The following SPATS2 variants were observed in gnomAD, a reference collection of about 807,000 sequenced individuals.
SPATS2 encodes the protein spermatogenesis-associated serine-rich protein 2.
Under a neutral mutation model 63.7 loss-of-function variants are expected in SPATS2, and 38 were observed. That is an observed-to-expected ratio of 0.60 (90% CI 0.46 to 0.78). SPATS2 has a LOEUF of 0.78. Ranked by LOEUF, SPATS2 falls within the 30% of genes least tolerant of loss-of-function variation. The pLI is 0.00. For missense variants in SPATS2, 588 were observed against 666.2 expected (o/e 0.88, Z 1.29); for synonymous variants, 207 against 232.9 (o/e 0.89, Z 1.01).
chr12:49,423,012 T>A (rs1945009685), intron 2 of SPATS2, among the ~76,000 whole-genome samples: 2 of 152,130 alleles, frequency 1.3e-5, no homozygotes, highest in Non-Finnish European at 2.9e-5. Context: ...TATTTTCTAC[T>A]CCAATAAGTA....
At chr12:49,399,961 G>A (rs867024699) in intron 2 of SPATS2, among the ~76,000 whole-genome samples, 3 of 152,140 alleles carry the variant, frequency 2.0e-5, no homozygotes, top group African/African-American at 4.8e-5. Context: ...GCGTGAACCC[G>A]GGAGGCGGAG....
chr12:49,502,237 T>C (rs1315269786), intron 9 of SPATS2, among the ~76,000 whole-genome samples: 2 of 152,146 alleles, frequency 1.3e-5, no homozygotes, highest in East Asian at 1.9e-4. Context: ...ATATAAGAGA[T>C]AGAGGAGAGT....
At chr12:49,475,958 G>C (rs1477168190) in intron 3 of SPATS2, among the ~76,000 whole-genome samples, 2 of 152,116 alleles carry the variant, frequency 1.3e-5, no homozygotes, top group African/African-American at 4.8e-5. Flanking sequence ...GTGCTGGGAA[G>C]GGAAGGGCTG....
At chr12:49,411,902 A>T (rs1944803725) in intron 2 of SPATS2, among the ~76,000 whole-genome samples, 1 of 152,172 alleles carries the variant, frequency 6.6e-6, no homozygotes, top group South Asian at 2.1e-4. Context: ...GGGCTTAACC[A>T]TGTTTATAAT....
At chr12:49,416,318 G>A (rs919656470) in intron 2 of SPATS2, among the ~76,000 whole-genome samples, 3 of 151,992 alleles carry the variant, frequency 2.0e-5, no homozygotes, top group Non-Finnish European at 4.4e-5. Flanking sequence ...ATCTCAGAGG[G>A]ATCCTCATTC....
chr12:49,434,001 A>G (rs1017410063), intron 2 of SPATS2, among the ~76,000 whole-genome samples: 1 of 152,206 alleles, frequency 6.6e-6, no homozygotes, highest in African/African-American at 2.4e-5. Flanking sequence ...GCATGTAGAT[A>G]TCCAGTTTTC....
rs57936702 is a variant in SPATS2, at chr12:49,516,138, C to CA, written c.898+1554dup. ...CTGGCAACAGAGCAAGACTCCATCT[C>CA]AAAAAAAAAAAAAAAAAAAAAAAAA... is the stretch of plus-strand genomic sequence containing the variant. On this transcript the variant is annotated intron_variant, in intron 10 of 13. Coordinates refer to ENST00000552918, the MANE Select transcript of SPATS2 (RefSeq NM_023071.4). Among the ~76,000 whole-genome samples, 13 of 3,486 alleles carry CA rather than the reference C, an allele frequency of 3.7e-3. 1 individual carries two copies. Among genetic ancestry groups the CA allele is most frequent in the Admixed American group, 7.2e-3 (1 of 138 alleles). 2.3% of individuals were successfully genotyped at this position (3,486 alleles called of 152,430 possible). A position where few individuals can be genotyped will look rare whatever the true frequency, so the allele number is the denominator to read the frequency against.
chr12:49,497,140 G>A, intron 8 of SPATS2, 131 bp downstream of exon 8: 1 of 881,070 alleles, frequency 1.1e-6, no homozygotes, highest in Non-Finnish European at 1.7e-6. Context: ...TTTCCAGACA[G>A]TGACTGACTA....
intron 8 of SPATS2, among the ~76,000 whole-genome samples, chr12:49,499,525 T>A (rs1295880339): frequency 6.6e-6 from 1 of 151,928 alleles, no homozygotes; most frequent in Non-Finnish European, 1.5e-5. Context: ...ACTCATGCAC[T>A]GGTCCACACT....
intron 8 of SPATS2, among the ~76,000 whole-genome samples, chr12:49,497,928 GA>G (rs1209715312): frequency 1.3e-5 from 2 of 151,660 alleles, no homozygotes; most frequent in Non-Finnish European, 2.9e-5. Flanking sequence ...TCCTATATCT[GA>G]GTTTCATACA....
chr12:49,384,124 T>C (rs958183843), intron 2 of SPATS2, among the ~76,000 whole-genome samples: 7 of 152,174 alleles, frequency 4.6e-5, no homozygotes, highest in Non-Finnish European at 1.0e-4. Flanking sequence ...CTCCAGTTTT[T>C]CCACTAATGT....
Position 49,417,658 on chromosome 12 carries a change from G to T in SPATS2, c.-243-43112G>T, listed in dbSNP as rs187255248. 6.6e-5 allele frequency among the ~76,000 whole-genome samples: 10 copies of T among 152,076 alleles called. No individual in the cohort carries two copies. The East Asian group carries it at 1.7e-3, about 26-fold the overall frequency. On this transcript the variant is annotated intron_variant, in intron 2 of 13. Coordinates refer to ENST00000552918, the MANE Select transcript of SPATS2 (RefSeq NM_023071.4). ...GTTTTGCTGTTTCTTTATCTTTCTGGGTTTGTACATCTTGAGAGATTCAAC... is the reference window on the plus strand; with the variant it reads ...GTTTTGCTGTTTCTTTATCTTTCTGTGTTTGTACATCTTGAGAGATTCAAC...
intron 3 of SPATS2, chr12:49,462,713 G>A (rs546524355): frequency 1.6e-5 from 8 of 509,612 alleles, no homozygotes; most frequent in Admixed American, 3.6e-5. Context: ...GGTGGGGTGC[G>A]GGTAGATAAT....
chr12:49,392,671 C>A (rs937253202), intron 2 of SPATS2, among the ~76,000 whole-genome samples: 12 of 151,968 alleles, frequency 7.9e-5, no homozygotes, highest in Non-Finnish European at 1.8e-4. Flanking sequence ...CGAGATCTCA[C>A]CACTGCACTC....
chr12:49,398,291 A>C (rs1335276744), intron 2 of SPATS2, among the ~76,000 whole-genome samples: 1 of 152,096 alleles, frequency 6.6e-6, no homozygotes, highest in Non-Finnish European at 1.5e-5. Context: ...TTGAACTTGA[A>C]CTTTATATAA....
intron 3 of SPATS2, among the ~76,000 whole-genome samples, chr12:49,481,288 A>G (rs1946200684): frequency 6.6e-6 from 1 of 151,940 alleles, no homozygotes; most frequent in African/African-American, 2.4e-5. Context: ...TGAACCCGGG[A>G]AGCGGAGGTT....
intron 2 of SPATS2, among the ~76,000 whole-genome samples, chr12:49,435,256 T>C (rs1945254646): frequency 6.6e-6 from 1 of 151,922 alleles, no homozygotes; most frequent in Non-Finnish European, 1.5e-5. Context: ...GGTCTCGATC[T>C]CCTGACCTCA....
chr12:49,487,051 C>G (rs972553693), intron 4 of SPATS2, among the ~76,000 whole-genome samples: 3 of 151,880 alleles, frequency 2.0e-5, no homozygotes, highest in Non-Finnish European at 4.4e-5. Context: ...TTTTATAATA[C>G]TCATAAAATA....
At chr12:49,404,263 A>G (rs1944656932) in intron 2 of SPATS2, among the ~76,000 whole-genome samples, 1 of 150,792 alleles carries the variant, frequency 6.6e-6, no homozygotes, top group African/African-American at 2.4e-5. Context: ...TACAGGTTCT[A>G]GAGTTACAGA....
Sources: gnomAD v4.1 joint callset for allele counts (sites outside exome capture counted in the v4.1 genomes callset) on GRCh38, gnomAD v4.1.1 for gene constraint, MANE v1.5 for transcripts, NCBI Gene and HGNC (gene_info 2026-07-23, HGNC 2026-07-21) for gene names.